VSTM2A: variants seen among roughly 807,000 people sequenced by gnomAD.
VSTM2A encodes the protein V-set and transmembrane domain containing 2A, also known as V-set and transmembrane domain-containing protein 2A.
A neutral mutation model predicts 27.3 loss-of-function variants in VSTM2A; 13 were observed. That is an observed-to-expected ratio of 0.48 (90% CI 0.31 to 0.76). VSTM2A has a LOEUF of 0.76. VSTM2A is among the 30% of genes least tolerant of loss of function. The pLI is 0.05. For synonymous variants in VSTM2A, 142 were observed against 125.7 expected, an observed-to-expected ratio of 1.13 and a Z score of -0.87; for missense variants, 280 against 310.0, an observed-to-expected ratio of 0.90 and a Z score of 0.73.
At chr7:54,546,401 C>G (rs1016497010) in intron 2 of VSTM2A, among the ~76,000 whole-genome samples, 1 of 151,694 alleles carries the variant, frequency 6.6e-6, no homozygotes, top group African/African-American at 2.4e-5. Flanking sequence ...GGCGCCCCTG[C>G]GAGCCAGCAA....
chr7:54,556,264 A>G (rs1048923962), intron 4 of VSTM2A, among the ~76,000 whole-genome samples: 7 of 152,200 alleles, frequency 4.6e-5, no homozygotes, highest in Non-Finnish European at 1.0e-4. Flanking sequence ...AGTCTGTAGT[A>G]GCTCAGCAGG....
intron 2 of VSTM2A, chr7:54,546,708 C>G: frequency 2.1e-6 from 1 of 483,558 alleles, no homozygotes; most frequent in Non-Finnish European, 3.6e-6. Flanking sequence ...AGCCCCGGGA[C>G]AGCCCCGGGG....
chr7:54,542,738 G>C lies in VSTM2A; in HGVS notation c.8G>C (p.Gly3Ala), dbSNP rs1312812482. 3 of 1,613,580 alleles carry C rather than the reference G, an allele frequency of 1.9e-6. No individual in the cohort carries two copies. The African/African-American group carries it at 4.0e-5, about 22-fold the overall frequency. The change falls in exon 1 of 5, where the codon GGG becomes GCG. Residue 3 changes from glycine (G) to alanine (A), a missense_variant. Gly to Ala is a moderately conservative substitution (Grantham distance 60, BLOSUM62 0). Coordinates refer to ENST00000402613, the MANE Select transcript of VSTM2A (RefSeq NM_001301009.2). MM[G>A]IFLVYVGFVF... Reference sequence around the variant, plus strand: ...CCCCCCTCCCTTTTTGGAATGATGGGGATCTTTTTGGTGTATGTTGGATTT... The same window carrying C: ...CCCCCCTCCCTTTTTGGAATGATGGCGATCTTTTTGGTGTATGTTGGATTT...
intron 3 of VSTM2A, among the ~76,000 whole-genome samples, chr7:54,548,473 C>G (rs1419094656): frequency 6.6e-6 from 1 of 151,768 alleles, no homozygotes; most frequent in Non-Finnish European, 1.5e-5. Context: ...TCCAGAGATG[C>G]AGACTTAATA....
intron 4 of VSTM2A, chr7:54,568,917 A>G: frequency 7.1e-7 from 1 of 1,400,768 alleles, no homozygotes; most frequent in South Asian, 1.3e-5. Context: ...TGGCGAGCTA[A>G]TTAAATATAT....
chr7:54,544,502 G>A (rs1275801179), intron 1 of VSTM2A, 120 bp from the exon 2 acceptor site: 3 of 1,235,970 alleles, frequency 2.4e-6, no homozygotes, highest in Admixed American at 3.8e-5. Flanking sequence ...CGAAGCCGAG[G>A]ATGTAAGAGA....
At position 54,550,121 on chromosome 7, in the gene VSTM2A, C is replaced by T. The variant is rs144081598; in HGVS notation, c.585C>T (p.Thr195=). 19 of 1,607,242 alleles carry T rather than the reference C, an allele frequency of 1.2e-5. No homozygotes were observed. In the African/African-American group the frequency reaches 2.4e-4, roughly 20 times the overall value. ...HGSANQRTHS[T]SSPQVVAKIP... Reference sequence around the variant, plus strand: ...CTGCCAACCAACGAACGCACTCCACCTCCAGCCCTCAAGTGGTAGCCAAAA... The same window carrying T: ...CTGCCAACCAACGAACGCACTCCACTTCCAGCCCTCAAGTGGTAGCCAAAA... The change falls in exon 4 of 5, where the codon ACC becomes ACT. Residue 195 remains threonine, a synonymous_variant. Coordinates refer to ENST00000402613, the MANE Select transcript of VSTM2A (RefSeq NM_001301009.2).
Position 54,546,853 on chromosome 7 carries a change from CG to C in VSTM2A, c.247-92del, listed in dbSNP as rs567495608. On this transcript the variant is annotated intron_variant, in intron 2 of 4. Transcript: ENST00000402613. ...CTCCCCTGTCCCCAGGTCACCCTGA[CG>C]GCCCTGCCCGGAGCCGCGAAGGCTA... 1,333 of 1,497,524 alleles carry C rather than the reference CG, an allele frequency of 8.9e-4. 13 individuals carry two copies. The African/African-American group carries it at 0.018, about 21-fold the overall frequency. The allele number at this position is 1,497,524 out of a possible 1,614,324, so 92.8% of individuals were successfully genotyped here.
chr7:54,566,536 C>T (rs1788729351), intron 4 of VSTM2A, among the ~76,000 whole-genome samples: 2 of 152,090 alleles, frequency 1.3e-5, no homozygotes, highest in African/African-American at 4.8e-5. Flanking sequence ...AATGGACAGG[C>T]AATTATCTGA....
chr7:54,544,840 G>A (rs1456939488), intron 2 of VSTM2A, 52 bp downstream of exon 2: 3 of 1,531,338 alleles, frequency 2.0e-6, no homozygotes, highest in Non-Finnish European at 2.6e-6. Context: ...CGGTCCTCAG[G>A]GTGTCCGGCC....
intron 4 of VSTM2A, chr7:54,553,818 C>A: frequency 1.9e-6 from 3 of 1,549,434 alleles, no homozygotes; most frequent in Non-Finnish European, 2.6e-6. Context: ...CCCCCAAATA[C>A]CCCAATATAC....
chr7:54,568,923 T>A, intron 4 of VSTM2A: 1 of 1,418,710 alleles, frequency 7.0e-7, no homozygotes, highest in Non-Finnish European at 9.6e-7. Flanking sequence ...GCTAATTAAA[T>A]ATATATATGT....
In VSTM2A at chr7:54,542,834, T is replaced by C. The variant is rs367911714; in HGVS notation, c.79+25T>C. 3.1e-6 allele frequency: 5 copies of C among 1,601,424 alleles called. No homozygotes were observed. In the South Asian group the frequency reaches 3.3e-5, roughly 11 times the overall value. On this transcript the variant is annotated intron_variant, in intron 1 of 4. Transcript: ENST00000402613. Reference sequence around the variant, plus strand: ...GGTAAGTCTTGCTCAATGGCAAATATACATTTGCTTGCGTGTGTGTGTGTT... The same window carrying C: ...GGTAAGTCTTGCTCAATGGCAAATACACATTTGCTTGCGTGTGTGTGTGTT...
chr7:54,556,358 A>G (rs1169986650), intron 4 of VSTM2A, among the ~76,000 whole-genome samples: 1 of 152,220 alleles, frequency 6.6e-6, no homozygotes, highest in Non-Finnish European at 1.5e-5. Context: ...AGCTGCTGCA[A>G]CAGCTGCCAG....
At chr7:54,558,607 T>C (rs1363625109) in intron 4 of VSTM2A, 2 of 151,990 alleles carry the variant, frequency 1.3e-5, no homozygotes, top group Non-Finnish European at 2.9e-5. Context: ...ATAACTATTA[T>C]TTAAGAGGAC....
At chr7:54,567,076 T>C (rs1416986199) in intron 4 of VSTM2A, among the ~76,000 whole-genome samples, 27 of 152,136 alleles carry the variant, frequency 1.8e-4, no homozygotes, top group Admixed American at 1.6e-3. Flanking sequence ...AAAGATGAAG[T>C]ACATATCTTT....
At chr7:54,557,915 T>C (rs537959964) in intron 4 of VSTM2A, 1 of 152,362 alleles carries the variant, frequency 6.6e-6, no homozygotes, top group African/African-American at 2.4e-5. Flanking sequence ...GATCTCCATT[T>C]CTGGCTTATG....
chr7:54,550,408 T>C, intron 4 of VSTM2A: 2 of 1,174,486 alleles, frequency 1.7e-6, no homozygotes, highest in South Asian at 1.9e-5. Flanking sequence ...ATCTGAGAGC[T>C]GGACTCTGGT....
chr7:54,553,345 A>G (rs530898050), intron 4 of VSTM2A, among the ~76,000 whole-genome samples: 24 of 152,308 alleles, frequency 1.6e-4, no homozygotes, highest in Admixed American at 1.1e-3. Context: ...AAACAGATAA[A>G]CAAAACTTGG....
Sources: allele counts gnomAD v4.1 joint callset (sites outside exome capture counted in the v4.1 genomes callset), GRCh38; gene constraint gnomAD v4.1.1; transcripts MANE v1.5; gene names NCBI Gene and HGNC (gene_info 2026-07-23, HGNC 2026-07-21).